NCOR1: variants seen among roughly 807,000 people sequenced by gnomAD.
The protein encoded by NCOR1 is nuclear receptor corepressor 1.
Under a neutral mutation model 288.1 loss-of-function variants are expected in NCOR1, and 63 were observed. The ratio of observed to expected loss-of-function variants is 0.22; its 90% CI spans 0.18 to 0.27. NCOR1 has a LOEUF of 0.27. Among genes scored for constraint, NCOR1 ranks in the 10% least tolerant of loss-of-function variants. NCOR1 has a pLI of 1.00. For synonymous variants in NCOR1, 1,007 were observed against 1,065.9 expected (o/e 0.94, Z 1.08); for missense variants, 2,397 against 3,019.2 (o/e 0.79, Z 4.83).
At chr17:16,176,375 C>T (rs2084194940) in intron 3 of NCOR1, among the ~76,000 whole-genome samples, 1 of 152,042 alleles carries the variant, frequency 6.6e-6, no homozygotes, top group Non-Finnish European at 1.5e-5. Context: ...TTCAAGAGAG[C>T]CTCCTGCCTC....
At chr17:16,178,847 A>C (rs2084793064) in intron 3 of NCOR1, among the ~76,000 whole-genome samples, 3 of 152,154 alleles carry the variant, frequency 2.0e-5, no homozygotes, top group Admixed American at 2.0e-4. Context: ...GCTCACGCCT[A>C]TAATCCTAGC....
At chr17:16,095,736 G>A (rs1480863100) in intron 21 of NCOR1, among the ~76,000 whole-genome samples, 10 of 141,946 alleles carry the variant, frequency 7.0e-5, no homozygotes, top group South Asian at 6.9e-4. Flanking sequence ...CAGCCGCCCC[G>A]TCTGGGAGGT....
chr17:16,118,595 A>C lies in NCOR1; in HGVS notation c.1916-568T>G, dbSNP rs542879636. The stretch of plus-strand genomic sequence containing the variant: ...CTCTAATCAATATATATATGCACAC[A>C]CATAAACACACACATACGTGCAAAG... On this transcript the variant is annotated intron_variant, in intron 17 of 45. Transcript: ENST00000268712. 5.9e-5 allele frequency among the ~76,000 whole-genome samples: 9 copies of C among 152,338 alleles called. No homozygotes were observed. In the South Asian group the frequency reaches 1.2e-3, roughly 21 times the overall value.
chr17:16,138,522 T>C (rs2076749438), intron 12 of NCOR1, among the ~76,000 whole-genome samples: 1 of 151,946 alleles, frequency 6.6e-6, no homozygotes, highest in Admixed American at 6.6e-5. Flanking sequence ...GAGGCAGAGG[T>C]TGCAGTGAGC....
At position 16,068,193 on chromosome 17, in the gene NCOR1, A is replaced by G. The variant is rs746661293; in HGVS notation, c.4514-72T>C. 9 of 1,243,902 alleles carry G rather than the reference A, an allele frequency of 7.2e-6. No homozygotes were observed. In the African/African-American group the frequency reaches 7.5e-5, roughly 10 times the overall value. 77.1% of individuals were successfully genotyped at this position (1,243,902 alleles called of 1,614,324 possible). ...TATGATAATATTTGTCCATTTCTCA[A>G]CCATTCAAATAAAGACTATATTCAT... On this transcript the variant is annotated intron_variant, in intron 31 of 45. Coordinates refer to ENST00000268712, the MANE Select transcript of NCOR1 (RefSeq NM_006311.4).
Position 16,031,786 on chromosome 17 carries a change from A to G in NCOR1, c.*510T>C, listed in dbSNP as rs568466974. ...GGAAACAATATCAGATAAAAGTACA[A>G]TGCCCGTGACAGCCAACATTATGTA... On this transcript the variant is annotated 3_prime_UTR_variant, in exon 46 of 46. Coordinates refer to ENST00000268712, the MANE Select transcript of NCOR1 (RefSeq NM_006311.4). 8 of 231,098 alleles carry G rather than the reference A, an allele frequency of 3.5e-5. No individual in the cohort carries two copies. Among genetic ancestry groups the G allele is most frequent in the South Asian group, 1.8e-4 (1 of 5,524 alleles). The allele number at this position is 231,098 out of a possible 1,614,324, so 14.3% of individuals were successfully genotyped here.
At chr17:16,113,113 C>T (rs2070686782) in intron 18 of NCOR1, among the ~76,000 whole-genome samples, 1 of 151,838 alleles carries the variant, frequency 6.6e-6, no homozygotes, top group Non-Finnish European at 1.5e-5. Flanking sequence ...GACGGGGTTT[C>T]ACCATGTTAG....
intron 3 of NCOR1, among the ~76,000 whole-genome samples, chr17:16,176,590 A>C (rs1376403666): frequency 6.6e-6 from 1 of 150,522 alleles, no homozygotes; most frequent in Admixed American, 6.6e-5. Context: ...TAGATGCTAT[A>C]ATTGCTCAGT....
At chr17:16,076,194 T>C (rs2062428358) in intron 26 of NCOR1, among the ~76,000 whole-genome samples, 2 of 152,266 alleles carry the variant, frequency 1.3e-5, no homozygotes, top group South Asian at 4.1e-4. Flanking sequence ...ACTTTTTTTG[T>C]TAATGACTTA....
intron 8 of NCOR1, among the ~76,000 whole-genome samples, chr17:16,151,412 A>G (rs2078853342): frequency 6.6e-6 from 1 of 152,214 alleles, no homozygotes; most frequent in Non-Finnish European, 1.5e-5. Flanking sequence ...AGGACATTAA[A>G]TGGCAGAAGG....
chr17:16,155,915 C>T (rs987913845), intron 6 of NCOR1, among the ~76,000 whole-genome samples: 1 of 152,098 alleles, frequency 6.6e-6, no homozygotes, highest in African/African-American at 2.4e-5. Context: ...GGTTCTAGGC[C>T]CATTGTGCTC....
At chr17:16,074,640 T>C (rs1410211102) in intron 27 of NCOR1, among the ~76,000 whole-genome samples, 1 of 152,186 alleles carries the variant, frequency 6.6e-6, no homozygotes, top group Admixed American at 6.5e-5. Flanking sequence ...AGAGAAAGCA[T>C]AGCTCATGAC....
intron 14 of NCOR1, among the ~76,000 whole-genome samples, chr17:16,130,372 T>G (rs2075399129): frequency 6.6e-6 from 1 of 152,194 alleles, no homozygotes; most frequent in African/African-American, 2.4e-5. Context: ...ACAAGTTACA[T>G]CCCTCAACTC....
chr17:16,193,174 A>G (rs2088921656), intron 2 of NCOR1, among the ~76,000 whole-genome samples: 1 of 152,226 alleles, frequency 6.6e-6, no homozygotes, highest in Non-Finnish European at 1.5e-5. Flanking sequence ...ATGTACACAT[A>G]TAATGAGTGC....
intron 40 of NCOR1, 64 bp downstream of exon 40, chr17:16,057,450 G>T: frequency 6.8e-7 from 1 of 1,473,778 alleles, no homozygotes; most frequent in Non-Finnish European, 9.5e-7. Flanking sequence ...TCCTTATCCT[G>T]TAGATATATT....
chr17:16,102,449 A>G (rs1346557166), intron 19 of NCOR1, among the ~76,000 whole-genome samples: 1 of 151,974 alleles, frequency 6.6e-6, no homozygotes, highest in Non-Finnish European at 1.5e-5. Context: ...TGCCTAGCTA[A>G]TTTTGTAGAA....
rs762978943 is a variant in NCOR1, at chr17:16,048,915, G to A, written c.6466C>T (p.Pro2156Ser). The A allele has an allele frequency of 6.2e-7, 1 of 1,613,994 alleles. No homozygotes were observed. The highest frequency in any genetic ancestry group is 8.5e-7 in the Non-Finnish European group (1 of 1,179,902). The change falls in exon 41 of 46, where the codon CCG becomes TCG. Residue 2156 changes from proline to serine, a missense_variant. Physicochemically the swap from Pro to Ser is moderately conservative, Grantham distance 74. Around this residue, in one of 11 missense-constraint regions of NCOR1, gnomAD observed 1,872 missense variants for 2,187.8 expected, o/e 0.86. Coordinates refer to ENST00000268712, the MANE Select transcript of NCOR1 (RefSeq NM_006311.4). ...PYEPISPPQV[P>S]VVHEKQDSLL... Reference sequence around the variant, plus strand: ...CTGTCCTGTTTCTCATGCACAACCGGAACCTGGGGTGGGGAGATGGGCTCG... The same window carrying A: ...CTGTCCTGTTTCTCATGCACAACCGAAACCTGGGGTGGGGAGATGGGCTCG...
At position 16,194,468 on chromosome 17, in the gene NCOR1, G is replaced by T. The variant is rs1368403568; in HGVS notation, c.102C>A (p.His34Gln). The change falls in exon 2 of 46, where the codon CAC (histidine) becomes CAA (glutamine). Residue 34 changes from histidine to glutamine, a missense_variant. This residue lies in a region of NCOR1 where 55 missense variants were observed against 69.6 expected (regional missense o/e 0.79). Coordinates refer to ENST00000268712, the MANE Select transcript of NCOR1 (RefSeq NM_006311.4). ...CATACTATCTGTTCCTTACCTGCTG[G>T]TGGCGGGTGTTGGGAAATGTATACT... is the stretch of plus-strand genomic sequence containing the variant. ...SVQYTFPNTRHQQEFAVPDYR... is the reference protein window; with the variant it reads ...SVQYTFPNTRQQQEFAVPDYR... The T allele has an allele frequency of 1.3e-6, 2 of 1,595,954 alleles. No individual in the cohort carries two copies. The highest frequency in any genetic ancestry group is 2.2e-5 in the East Asian group (1 of 44,764).
rs1464827001 is a variant in NCOR1, at chr17:16,101,648, A to T, written c.2292T>A (p.Ser764=). 1.9e-6 allele frequency: 3 copies of T among 1,613,972 alleles called. No homozygotes were observed. In the Admixed American group the frequency reaches 5.0e-5, roughly 27 times the overall value. Residue 764 remains serine, a synonymous_variant, in exon 20 of 46, where the codon TCT becomes TCA. Transcript: ENST00000268712. Reference sequence around the variant, plus strand: ...TTGTACTTGGAACTGCTAAGGAGGGAGATGTACTGGGTGCAGTTTCCGTGG... The same window carrying T: ...TTGTACTTGGAACTGCTAAGGAGGGTGATGTACTGGGTGCAGTTTCCGTGG... ...EPTTETAPST[S]PSLAVPSTKP...
Sources: allele counts gnomAD v4.1 joint callset (sites outside exome capture counted in the v4.1 genomes callset), GRCh38; gene constraint gnomAD v4.1.1; regional missense constraint gnomAD v4.1.1; transcripts MANE v1.5; gene names NCBI Gene and HGNC (gene_info 2026-07-23, HGNC 2026-07-21).